FAM193A: variants seen among roughly 807,000 people sequenced by gnomAD.
FAM193A encodes the protein protein FAM193A.
In FAM193A, 22 loss-of-function variants were observed where a neutral mutation model predicts 126.5. That is an observed-to-expected ratio of 0.17 (90% CI 0.12 to 0.25). FAM193A has a LOEUF of 0.25. FAM193A is among the 10% of genes least tolerant of loss of function. FAM193A has a pLI of 1.00. For synonymous variants in FAM193A, 761 were observed against 646.8 expected, an observed-to-expected ratio of 1.18 and a Z score of -2.68; for missense variants, 1,675 against 1,672.8, an observed-to-expected ratio of 1.00 and a Z score of -0.02.
In FAM193A at chr4:2,595,054, C is replaced by CT. The variant is rs965402007; in HGVS notation, c.256-1018dup. Among the ~76,000 whole-genome samples the CT allele has an allele frequency of 8.6e-3, 1,241 of 143,578 alleles. 4 individuals are homozygous for CT. The highest frequency in any genetic ancestry group is 0.027 in the African/African-American group (1,049 of 39,448). 94.2% of individuals were successfully genotyped at this position (143,578 alleles called of 152,430 possible). A position where few individuals can be genotyped will look rare whatever the true frequency, so the allele number is the denominator to read the frequency against. On this transcript the variant is annotated intron_variant, in intron 1 of 20. Coordinates refer to ENST00000637812, the MANE Select transcript of FAM193A (RefSeq NM_001366318.2). ...TGTTGGCCAGGCTGGATTTTTCTTT[C>CT]TTTTTTTTTTTTGACACGGGGTCTT...
chr4:2,608,490 G>C (rs1215717092), intron 2 of FAM193A, among the ~76,000 whole-genome samples: 2 of 152,174 alleles, frequency 1.3e-5, no homozygotes, highest in Non-Finnish European at 2.9e-5. Context: ...TGGGATTACA[G>C]GAGTGAGCCA....
chr4:2,561,393 G>A (rs772981233), intron 1 of FAM193A, among the ~76,000 whole-genome samples: 2 of 151,976 alleles, frequency 1.3e-5, no homozygotes, highest in African/African-American at 2.4e-5. Flanking sequence ...ATGTTGGCCA[G>A]GCTGCTCTCA....
At chr4:2,538,017 A>G (rs544036306) in intron 1 of FAM193A, among the ~76,000 whole-genome samples, 5 of 152,290 alleles carry the variant, frequency 3.3e-5, no homozygotes, top group African/African-American at 4.8e-5. Flanking sequence ...TGGGTATGCA[A>G]TTGGCGCAGT....
At chr4:2,571,071 G>A (rs913373915) in intron 1 of FAM193A, among the ~76,000 whole-genome samples, 5 of 152,142 alleles carry the variant, frequency 3.3e-5, no homozygotes, top group Admixed American at 3.3e-4. Context: ...CCTCTTTCCT[G>A]CCTTGTCACC....
intron 1 of FAM193A, among the ~76,000 whole-genome samples, chr4:2,559,140 C>T (rs1019110013): frequency 1.3e-5 from 2 of 152,168 alleles, no homozygotes; most frequent in African/African-American, 4.8e-5. Flanking sequence ...TTGAACTGTT[C>T]TTTGTGTGTT....
At chr4:2,681,272 T>C (rs1715086323) in intron 13 of FAM193A, among the ~76,000 whole-genome samples, 1 of 152,212 alleles carries the variant, frequency 6.6e-6, no homozygotes, top group African/African-American at 2.4e-5. Context: ...TTGTTTCTCT[T>C]TTCAAAGAAC....
Position 2,646,863 on chromosome 4 carries a change from C to T in FAM193A, c.1311+31C>T, listed in dbSNP as rs367556369. The stretch of plus-strand genomic sequence containing the variant: ...TGCCACCCGGGACCACCGCACCCCG[C>T]GCACATCCTCAGACGGCCCTGTTGA... On this transcript the variant is annotated intron_variant, in intron 7 of 20. Coordinates refer to ENST00000637812, the MANE Select transcript of FAM193A (RefSeq NM_001366318.2). 1.6e-5 allele frequency: 26 copies of T among 1,589,068 alleles called. No individual in the cohort carries two copies. In the African/African-American group the frequency reaches 1.8e-4, roughly 11 times the overall value.
At position 2,587,934 on chromosome 4, in the gene FAM193A, G is replaced by T. The variant is rs372526602; in HGVS notation, c.256-8150G>T. Among the ~76,000 whole-genome samples the T allele has an allele frequency of 7.9e-5, 12 of 152,254 alleles. No individual in the cohort carries two copies. The South Asian group carries it at 2.5e-3, about 32-fold the overall frequency. ...ATATGAGAAGAGGACAGAATCAGTG[G>T]TCCTCAAGTGGCGACAGGGTGGGGT... On this transcript the variant is annotated intron_variant, in intron 1 of 20. Coordinates refer to ENST00000637812, the MANE Select transcript of FAM193A (RefSeq NM_001366318.2).
At chr4:2,618,387 G>GAAA in intron 2 of FAM193A, among the ~76,000 whole-genome samples, 1 of 151,976 alleles carries the variant, frequency 6.6e-6, no homozygotes, top group South Asian at 2.1e-4. Context: ...CAAATGCTTT[G>GAAA]TCCATTTTTT....
chr4:2,661,379 T>C (rs982561919), intron 10 of FAM193A, among the ~76,000 whole-genome samples: 2 of 152,266 alleles, frequency 1.3e-5, no homozygotes, highest in East Asian at 1.9e-4. Flanking sequence ...CTGGATCTTA[T>C]GGGTTGGATC....
intron 2 of FAM193A, among the ~76,000 whole-genome samples, chr4:2,611,234 C>G (rs1741853442): frequency 6.6e-6 from 1 of 151,832 alleles, no homozygotes; most frequent in Non-Finnish European, 1.5e-5. Flanking sequence ...TAGTGTTATC[C>G]TTCATTATGG....
chr4:2,717,903 C>A (rs752139303), intron 20 of FAM193A, among the ~76,000 whole-genome samples: 16 of 152,192 alleles, frequency 1.1e-4, no homozygotes, highest in Non-Finnish European at 1.9e-4. Flanking sequence ...ATCCACCCCC[C>A]CTTGGCCTCC....
chr4:2,594,065 C>T (rs1261605648), intron 1 of FAM193A, among the ~76,000 whole-genome samples: 1 of 152,104 alleles, frequency 6.6e-6, no homozygotes, highest in Non-Finnish European at 1.5e-5. Flanking sequence ...TGGGAAAACT[C>T]ACAACCCTGT....
chr4:2,710,225 C>A (rs184578), intron 19 of FAM193A, among the ~76,000 whole-genome samples: 106,449 of 134,536 alleles, frequency 0.79, 42,208 homozygotes, highest in Middle Eastern at 0.87. Context: ...CCCAGGCTGG[C>A]GTGCAGTGGC....
chr4:2,614,196 T>G (rs2108949954), intron 2 of FAM193A, among the ~76,000 whole-genome samples: 1 of 152,328 alleles, frequency 6.6e-6, no homozygotes, highest in South Asian at 2.1e-4. Context: ...AATGTGAGAT[T>G]GAATAGGAGT....
chr4:2,554,825 C>T (rs891589948), intron 1 of FAM193A, among the ~76,000 whole-genome samples: 9 of 152,014 alleles, frequency 5.9e-5, no homozygotes, highest in African/African-American at 2.2e-4. Flanking sequence ...AAGCTGTATC[C>T]CTCATCCTTG....
rs531056030 is a variant in FAM193A, at chr4:2,655,436, T to C, written c.1312-2367T>C. ...ATTTGATTTAGGACGTGTGTGTGTG[T>C]GCGTGTGCGCCTGTGTGTGTGTGTG... On this transcript the variant is annotated intron_variant, in intron 7 of 20. Coordinates refer to ENST00000637812, the MANE Select transcript of FAM193A (RefSeq NM_001366318.2). Among the ~76,000 whole-genome samples, 8 of 152,018 alleles carry C rather than the reference T, an allele frequency of 5.3e-5. No homozygotes were observed. In the East Asian group the frequency reaches 5.8e-4, roughly 11 times the overall value.
intron 1 of FAM193A, among the ~76,000 whole-genome samples, chr4:2,552,113 G>A (rs1737959377): frequency 2.7e-5 from 4 of 148,814 alleles, no homozygotes; most frequent in East Asian, 2.0e-4. Flanking sequence ...CTGGGTTTAC[G>A]CCATTCTCCT....
chr4:2,568,098 T>TA, intron 1 of FAM193A, among the ~76,000 whole-genome samples: 1 of 152,342 alleles, frequency 6.6e-6, no homozygotes, highest in East Asian at 1.9e-4. Flanking sequence ...CTATTCCACT[T>TA]ACCTTCCAAC....
Sources: gnomAD v4.1 joint callset for allele counts (sites outside exome capture counted in the v4.1 genomes callset) on GRCh38, gnomAD v4.1.1 for gene constraint, MANE v1.5 for transcripts, NCBI Gene and HGNC (gene_info 2026-07-23, HGNC 2026-07-21) for gene names.